The following UNC5D variants were observed in gnomAD, a reference collection of about 807,000 sequenced individuals.
The protein encoded by UNC5D is netrin receptor UNC5D.
A neutral mutation model predicts 105.4 loss-of-function variants in UNC5D; 39 were observed. That is an observed-to-expected ratio of 0.37 (90% CI 0.29 to 0.48). The LOEUF (loss-of-function observed/expected upper bound fraction) is 0.48. Ranked by LOEUF, UNC5D falls within the 20% of genes least tolerant of loss-of-function variation. The pLI is 0.98. For synonymous variants in UNC5D, 452 were observed against 450.4 expected (o/e 1.00, Z -0.04); for missense variants, 991 against 1,202.4 (o/e 0.82, Z 2.60).
At chr8:35,249,999 G>A (rs1803583314) in intron 1 of UNC5D, among the ~76,000 whole-genome samples, 1 of 151,924 alleles carries the variant, frequency 6.6e-6, no homozygotes, top group Admixed American at 6.6e-5. Context: ...GAACATCATA[G>A]GTGCTTTGAA....
At chr8:35,523,224 A>G (rs1212735879) in intron 1 of UNC5D, among the ~76,000 whole-genome samples, 1 of 151,872 alleles carries the variant, frequency 6.6e-6, no homozygotes, top group Non-Finnish European at 1.5e-5. Flanking sequence ...CTAGAACTAC[A>G]GGCACACACC....
rs980052793 is a variant in UNC5D at position 35,796,142 on chromosome 8, A to G, written c.*5579A>G. 6.6e-6 allele frequency: 1 copy of G among 152,172 alleles called. No individual in the cohort carries two copies. The highest frequency in any genetic ancestry group is 1.5e-5 in the Non-Finnish European group (1 of 68,044). 9.4% of individuals were successfully genotyped at this position (152,172 alleles called of 1,614,324 possible). On this transcript the variant is annotated 3_prime_UTR_variant, in exon 17 of 17. Coordinates refer to ENST00000404895, the MANE Select transcript of UNC5D (RefSeq NM_080872.4). ...AAAATAAAATAAAGCAGGGCTGAAC[A>G]CTTAATTTGACATGAAGCTGAAGGA...
chr8:35,370,145 C>T (rs1448009218), intron 1 of UNC5D, among the ~76,000 whole-genome samples: 8 of 152,124 alleles, frequency 5.3e-5, no homozygotes, highest in African/African-American at 1.7e-4. Context: ...GTCTTTCAAA[C>T]TTGAACCTAG....
intron 4 of UNC5D, among the ~76,000 whole-genome samples, chr8:35,673,891 T>A (rs1825014045): frequency 6.6e-6 from 1 of 152,188 alleles, no homozygotes; most frequent in Non-Finnish European, 1.5e-5. Flanking sequence ...ACAGCAGGAC[T>A]TCATGGGTAC....
chr8:35,613,675 C>T (rs933392901), intron 4 of UNC5D, among the ~76,000 whole-genome samples: 1 of 151,970 alleles, frequency 6.6e-6, no homozygotes, highest in African/African-American at 2.4e-5. Context: ...ATGGCAAAAC[C>T]CCATCTGTAC....
At chr8:35,640,685 A>T (rs191620866) in intron 4 of UNC5D, among the ~76,000 whole-genome samples, 22 of 152,282 alleles carry the variant, frequency 1.4e-4, no homozygotes, top group South Asian at 1.2e-3. Flanking sequence ...TATTTTTCAA[A>T]ATCTAAATTC....
At chr8:35,775,036 T>C (rs1426544551) in intron 16 of UNC5D, among the ~76,000 whole-genome samples, 2 of 152,128 alleles carry the variant, frequency 1.3e-5, no homozygotes, top group Admixed American at 1.3e-4. Context: ...CTAGGTTTGC[T>C]AATTGGGTCA....
At chr8:35,305,581 CTTTCTT>C (rs1563297671) in intron 1 of UNC5D, among the ~76,000 whole-genome samples, 2,449 of 93,598 alleles carry the variant, frequency 0.026, 34 homozygotes, top group African/African-American at 0.056. Context: ...CTTTCTTTTT[CTTTCTT>C]TCTTTCTTTC....
At chr8:35,331,229 C>G (rs748083013) in intron 1 of UNC5D, among the ~76,000 whole-genome samples, 1 of 152,042 alleles carries the variant, frequency 6.6e-6, no homozygotes, top group East Asian at 1.9e-4. Context: ...TATTGGGGGG[C>G]CATTGGGCTT....
intron 3 of UNC5D, among the ~76,000 whole-genome samples, chr8:35,570,203 C>T (rs1238179982): frequency 6.6e-6 from 1 of 152,214 alleles, no homozygotes; most frequent in Non-Finnish European, 1.5e-5. Context: ...CCTCGCATGT[C>T]TGACGTGTGC....
intron 8 of UNC5D, among the ~76,000 whole-genome samples, chr8:35,718,191 G>T (rs953202803): frequency 6.6e-6 from 1 of 151,948 alleles, no homozygotes; most frequent in Non-Finnish European, 1.5e-5. Flanking sequence ...TTGTGACTCT[G>T]GGAGAGAGGA....
At chr8:35,604,988 A>G (rs555983245) in intron 4 of UNC5D, among the ~76,000 whole-genome samples, 13 of 152,126 alleles carry the variant, frequency 8.5e-5, no homozygotes, top group Middle Eastern at 3.4e-3. Flanking sequence ...CATTGGTTCA[A>G]ACTTCCTCCT....
chr8:35,362,066 C>G (rs913849588), intron 1 of UNC5D, among the ~76,000 whole-genome samples: 1 of 152,064 alleles, frequency 6.6e-6, no homozygotes, highest in African/African-American at 2.4e-5. Context: ...TAGTATTAAT[C>G]TGTAGTATCA....
intron 1 of UNC5D, among the ~76,000 whole-genome samples, chr8:35,487,157 G>A (rs2130053154): frequency 6.7e-6 from 1 of 150,272 alleles, no homozygotes; most frequent in South Asian, 2.1e-4. Context: ...CTTGTAATGA[G>A]TCACAGCATT....
intron 1 of UNC5D, among the ~76,000 whole-genome samples, chr8:35,352,939 C>A (rs1228431894): frequency 6.6e-6 from 1 of 152,058 alleles, no homozygotes; most frequent in African/African-American, 2.4e-5. Context: ...AATAATGGCA[C>A]CTGACCGATA....
rs10715369 is a variant in UNC5D, at chr8:35,365,591, CAAAAAAAAAAA to C, written c.103+129720_103+129730del. Reference sequence around the variant, plus strand: ...TCTTAGGCTTTCATGCCATCCCCTGCAAAAAAAAAAAAAAAAAAAAAAAAAAGCAGCTGTGA... The same window carrying C: ...TCTTAGGCTTTCATGCCATCCCCTGCAAAAAAAAAAAAAAAGCAGCTGTGA... On this transcript the variant is annotated intron_variant, in intron 1 of 16. Transcript: ENST00000404895. Among the ~76,000 whole-genome samples the C allele has an allele frequency of 2.2e-4, 11 of 49,882 alleles. 1 individual carries two copies. In the East Asian group the frequency reaches 4.3e-3, roughly 20 times the overall value. 32.7% of individuals were successfully genotyped at this position (49,882 alleles called of 152,430 possible). A position where few individuals can be genotyped will look rare whatever the true frequency, so the allele number is the denominator to read the frequency against.
At chr8:35,492,934 G>T (rs538934459) in intron 1 of UNC5D, among the ~76,000 whole-genome samples, 1 of 152,204 alleles carries the variant, frequency 6.6e-6, no homozygotes, top group South Asian at 2.1e-4. Flanking sequence ...TAAAAAGTCT[G>T]GGTGTGGTGA....
chr8:35,409,143 A>T (rs553734813), intron 1 of UNC5D, among the ~76,000 whole-genome samples: 1 of 152,222 alleles, frequency 6.6e-6, no homozygotes, highest in South Asian at 2.1e-4. Context: ...CTGGATGTAT[A>T]ACTGAAAAAT....
intron 8 of UNC5D, among the ~76,000 whole-genome samples, chr8:35,719,565 A>C (rs1828460373): frequency 6.6e-6 from 1 of 152,190 alleles, no homozygotes; most frequent in Non-Finnish European, 1.5e-5. Flanking sequence ...CTGCACTTGA[A>C]GTACCCAGAT....
Sources: gnomAD v4.1 joint callset for allele counts (sites outside exome capture counted in the v4.1 genomes callset) on GRCh38, gnomAD v4.1.1 for gene constraint, MANE v1.5 for transcripts, NCBI Gene and HGNC (gene_info 2026-07-23, HGNC 2026-07-21) for gene names.